ITPR1: variants seen among roughly 807,000 people sequenced by gnomAD.
ITPR1 encodes inositol 1,4,5-trisphosphate receptor type 1, also known as inositol 1,4,5-trisphosphate-gated calcium channel ITPR1.
Under a neutral mutation model 318.4 loss-of-function variants are expected in ITPR1, and 96 were observed. The ratio of observed to expected loss-of-function variants is 0.30; its 90% CI spans 0.26 to 0.36. ITPR1 has a LOEUF of 0.36. Ranked by LOEUF, ITPR1 falls within the 10% of genes least tolerant of loss-of-function variation. The pLI is 1.00. For missense variants in ITPR1, 2,440 were observed against 3,460.2 expected (o/e 0.71, Z 7.40); for synonymous variants, 1,312 against 1,289.9 (o/e 1.02, Z -0.37).
chr3:4,664,022 A>G (rs2093893999), intron 16 of ITPR1, among the ~76,000 whole-genome samples: 2 of 152,228 alleles, frequency 1.3e-5, no homozygotes, highest in African/African-American at 4.8e-5. Context: ...TTGGATATCA[A>G]TCATGTGAGA....
intron 44 of ITPR1, among the ~76,000 whole-genome samples, chr3:4,745,579 C>T (rs2044044549): frequency 6.6e-6 from 1 of 152,198 alleles, no homozygotes. Flanking sequence ...GACCTTAAAA[C>T]ATCTGAAATG....
chr3:4,650,126 C>A (rs921743649), intron 10 of ITPR1, among the ~76,000 whole-genome samples: 27 of 152,158 alleles, frequency 1.8e-4, no homozygotes, highest in African/African-American at 6.5e-4. Context: ...ACCCATTTAT[C>A]ATTTAATAGC....
At chr3:4,840,841 A>G (rs1043042377) in intron 61 of ITPR1, among the ~76,000 whole-genome samples, 1 of 152,244 alleles carries the variant, frequency 6.6e-6, no homozygotes, top group African/African-American at 2.4e-5. Context: ...TGTTTTCTTC[A>G]TAATGCAAAA....
intron 51 of ITPR1, among the ~76,000 whole-genome samples, chr3:4,787,629 C>T (rs1166986870): frequency 6.6e-6 from 1 of 150,436 alleles, no homozygotes; most frequent in Non-Finnish European, 1.5e-5. Context: ...ACCCAGGAGG[C>T]AGAGGTTGCA....
chr3:4,598,048 G>C (rs189613716), intron 4 of ITPR1, among the ~76,000 whole-genome samples: 2 of 152,206 alleles, frequency 1.3e-5, no homozygotes, highest in African/African-American at 4.8e-5. Context: ...CGTTTCCTGC[G>C]TCTTATTGGT....
chr3:4,764,782 G>A (rs1055301643), intron 44 of ITPR1, among the ~76,000 whole-genome samples: 2 of 152,194 alleles, frequency 1.3e-5, no homozygotes, highest in African/African-American at 4.8e-5. Context: ...GGGGTAAAAG[G>A]CTATTTAGTA....
intron 13 of ITPR1, 129 bp downstream of exon 13, chr3:4,658,407 G>C: frequency 1.3e-6 from 1 of 748,874 alleles, no homozygotes; most frequent in Non-Finnish European, 2.1e-6. Context: ...TGAAAGGTTT[G>C]CACTGACTGC....
rs558103076 is a variant in ITPR1, at chr3:4,710,635, A to G, written c.4991+162A>G. 7.9e-5 allele frequency among the ~76,000 whole-genome samples: 12 copies of G among 152,166 alleles called. No individual in the cohort carries two copies. The highest frequency in any genetic ancestry group is 2.1e-4 in the South Asian group (1 of 4,834). On this transcript the variant is annotated intron_variant, in intron 38 of 61. Coordinates refer to ENST00000649015, the MANE Select transcript of ITPR1 (RefSeq NM_001378452.1). The surrounding 1 kb of genome is among the most constrained non-coding windows in gnomAD (Gnocchi z 4.2). Reference sequence around the variant, plus strand: ...TGACCTCCCCAAAGTAAGTTTGTCTATTAAATCCTGCTTACTGACACTTTT... The same window carrying G: ...TGACCTCCCCAAAGTAAGTTTGTCTGTTAAATCCTGCTTACTGACACTTTT...
intron 48 of ITPR1, 70 bp downstream of exon 48, chr3:4,777,444 G>A: frequency 1.2e-6 from 1 of 855,482 alleles, no homozygotes; most frequent in South Asian, 1.4e-5. Context: ...CTTGGCACAT[G>A]CACATGGGCA....
chr3:4,758,503 G>A (rs1358183238), intron 44 of ITPR1, among the ~76,000 whole-genome samples: 2 of 152,224 alleles, frequency 1.3e-5, no homozygotes, highest in Non-Finnish European at 2.9e-5. Context: ...ATTCCAGGGA[G>A]CACCATGATC....
intron 4 of ITPR1, among the ~76,000 whole-genome samples, chr3:4,586,118 T>C (rs1489808672): frequency 1.3e-5 from 2 of 152,246 alleles, no homozygotes; most frequent in Admixed American, 6.5e-5. Flanking sequence ...TATGGCTGCA[T>C]AGTATTCCAT....
intron 4 of ITPR1, among the ~76,000 whole-genome samples, chr3:4,585,869 A>C (rs2089839354): frequency 1.3e-5 from 2 of 152,062 alleles, no homozygotes; most frequent in South Asian, 4.1e-4. Context: ...TGCTGCACCC[A>C]TCAACCTGTT....
At chr3:4,752,147 T>C (rs1281960091) in intron 44 of ITPR1, among the ~76,000 whole-genome samples, 1 of 152,188 alleles carries the variant, frequency 6.6e-6, no homozygotes, top group African/African-American at 2.4e-5. Context: ...TTTAAAAATA[T>C]ATATATTTTA....
chr3:4,534,772 G>A (rs962733932), intron 4 of ITPR1, among the ~76,000 whole-genome samples: 4 of 152,102 alleles, frequency 2.6e-5, no homozygotes, highest in African/African-American at 9.7e-5. Flanking sequence ...ATATAAGCTC[G>A]CTTGGACTTA....
At chr3:4,569,064 A>T (rs550052140) in intron 4 of ITPR1, among the ~76,000 whole-genome samples, 3 of 152,138 alleles carry the variant, frequency 2.0e-5, no homozygotes, top group African/African-American at 7.2e-5. Flanking sequence ...ACCAGGCCCC[A>T]CCCCTCACAC....
At position 4,710,479 on chromosome 3, in the gene ITPR1, C is replaced by T. The variant is rs764209897; in HGVS notation, c.4991+6C>T. 7.1e-6 allele frequency: 11 copies of T among 1,551,970 alleles called. No individual in the cohort carries two copies. The South Asian group carries it at 7.1e-5, about 10-fold the overall frequency. On this transcript the variant is annotated splice_donor_region_variant and intron_variant, in intron 38 of 61. Transcript: ENST00000649015. The surrounding 1 kb of genome is among the most constrained non-coding windows in gnomAD (Gnocchi z 4.2). The stretch of plus-strand genomic sequence containing the variant: ...AGTGGCGGTTTCATTTGCAAGTAAG[C>T]GGCCTCTCTCTCTGGGGTGTTCATT...
intron 40 of ITPR1, among the ~76,000 whole-genome samples, chr3:4,725,050 T>C (rs575522670): frequency 6.6e-6 from 1 of 152,216 alleles, no homozygotes; most frequent in African/African-American, 2.4e-5. Context: ...GGACAGGATG[T>C]GGAGAATGGA....
chr3:4,652,705 G>A lies in ITPR1; in HGVS notation c.951+487G>A, dbSNP rs74944606. Among the ~76,000 whole-genome samples the A allele has an allele frequency of 1.0e-3, 152 of 152,240 alleles. 3 individuals are homozygous for A. The East Asian group carries it at 0.025, about 25-fold the overall frequency. The stretch of plus-strand genomic sequence containing the variant: ...TACTTGTAGGAATGTCAAAAATCAC[G>A]GAAATTAACTTTACCTTAAATGTCT... On this transcript the variant is annotated intron_variant, in intron 11 of 61. Transcript: ENST00000649015.
chr3:4,810,753 G>A (rs1404523349), intron 55 of ITPR1, among the ~76,000 whole-genome samples: 3 of 152,156 alleles, frequency 2.0e-5, no homozygotes, highest in East Asian at 1.9e-4. Flanking sequence ...TGCCTAGCCC[G>A]AGATCATACG....
Sources: gnomAD v4.1 joint callset for allele counts (sites outside exome capture counted in the v4.1 genomes callset) on GRCh38, gnomAD v4.1.1 for gene constraint, Gnocchi (gnomAD v3.1) non-coding constraint, MANE v1.5 for transcripts, NCBI Gene and HGNC (gene_info 2026-07-23, HGNC 2026-07-21) for gene names.